Variants in ADCK5 observed in about 807,000 individuals in gnomAD.
ADCK5 encodes the protein uncharacterized aarF domain-containing protein kinase 5.
A neutral mutation model predicts 64.9 loss-of-function variants in ADCK5; 43 were observed. That is an observed-to-expected ratio of 0.66 (90% confidence interval 0.52 to 0.85). The LOEUF is 0.85. Among genes scored for constraint, ADCK5 ranks in the 40% least tolerant of loss-of-function variants. ADCK5 has a pLI of 0.00. For synonymous variants in ADCK5, 434 were observed against 342.8 expected (o/e 1.27, Z -2.94); for missense variants, 760 against 810.5 (o/e 0.94, Z 0.76).
chr8:144,391,585 G>A lies in ADCK5; in HGVS notation c.804G>A (p.Leu268=). The change falls in exon 8 of 15, where the codon CTG becomes CTA. Residue 268 remains leucine, a synonymous_variant. Coordinates refer to ENST00000308860, the MANE Select transcript of ADCK5 (RefSeq NM_174922.5). The part of the protein sequence containing the change: ...SFGFSWVLQD[L]KGTLAQELDF... ...AACCGCCATCTGGCCCCCAGGACCT[G>A]AAGGGGACCCTGGCCCAGGAGCTGG... 3.2e-6 allele frequency: 5 copies of A among 1,579,626 alleles called. No individual in the cohort carries two copies. The highest frequency in any genetic ancestry group is 3.4e-6 in the Non-Finnish European group (4 of 1,168,298).
chr8:144,373,335 G>A (rs782153596), upstream of ADCK5: 3 of 152,648 alleles, frequency 2.0e-5, no homozygotes, highest in South Asian at 2.0e-4. Context: ...GTCTAGTAGC[G>A]GTGAGGTCGT....
At chr8:144,379,324 C>A in intron 1 of ADCK5, 63 bp from the exon 2 acceptor site, 2 of 1,268,666 alleles carry the variant, frequency 1.6e-6, no homozygotes, top group Non-Finnish European at 1.1e-6. Context: ...AGTGCTGGTA[C>A]TGGTTGAGGG....
chr8:144,391,104 C>G (rs1446727168), intron 5 of ADCK5, 30 bp from the exon 6 acceptor site: 19 of 1,610,348 alleles, frequency 1.2e-5, no homozygotes, highest in African/African-American at 6.7e-5. Flanking sequence ...AGCAGTGGCC[C>G]CAGGCTGCTC....
rs1359214823 is a variant in ADCK5, at chr8:144,376,968, C to T, written c.13-2419C>T. On this transcript the variant is annotated intron_variant, in intron 1 of 14. Coordinates refer to ENST00000308860, the MANE Select transcript of ADCK5 (RefSeq NM_174922.5). This position sits in a 1 kb window ranked among gnomAD's most constrained non-coding sequence, Gnocchi z 5.1. ...GGGATAAGAGGTCATGGACTTTTCC[C>T]TTTGGCTTTCATGTTGTTTGGAGTC... is the stretch of plus-strand genomic sequence containing the variant. Among the ~76,000 whole-genome samples the T allele has an allele frequency of 6.6e-6, 1 of 151,480 alleles. No homozygotes were observed. Among genetic ancestry groups the T allele is most frequent in the Admixed American group, 6.6e-5 (1 of 15,264 alleles).
At position 144,392,818 on chromosome 8, in the gene ADCK5, G is replaced by T. The variant is rs1554861577; in HGVS notation, c.1563G>T (p.Arg521=). 6.3e-7 allele frequency: 1 copy of T among 1,592,642 alleles called. No individual in the cohort carries two copies. The highest frequency in any genetic ancestry group is 8.5e-7 in the Non-Finnish European group (1 of 1,174,246). ...GWSRLAGATY[R]GVYGTSLLRH... is the part of the protein sequence containing the mutation. ...GCCGCCTGGCGGGCGCCACGTATCGGGGTGTCTACGGCACCAGCCTCCTGC... is the reference window on the plus strand; with the variant it reads ...GCCGCCTGGCGGGCGCCACGTATCGTGGTGTCTACGGCACCAGCCTCCTGC... Residue 521 remains arginine, a synonymous_variant, in exon 14 of 15, where the codon CGG becomes CGT. Transcript: ENST00000308860.
At chr8:144,386,237 C>G (rs1304439367) in intron 3 of ADCK5, among the ~76,000 whole-genome samples, 2 of 151,400 alleles carry the variant, frequency 1.3e-5, no homozygotes, top group Non-Finnish European at 2.9e-5. Context: ...GTCTTGAACT[C>G]CTGAGTTCAG....
Position 144,379,468 on chromosome 8 carries a change from A to T in ADCK5, c.94A>T (p.Asn32Tyr), listed in dbSNP as rs782400800. 1 of 1,607,326 alleles carries T rather than the reference A, an allele frequency of 6.2e-7. No homozygotes were observed. Among genetic ancestry groups the T allele is most frequent in the Non-Finnish European group, 8.5e-7 (1 of 1,176,304 alleles). Residue 32 changes from asparagine (N) to tyrosine (Y), a missense_variant, in exon 2 of 15, where the codon AAC becomes TAC. Asn to Tyr is a moderately radical substitution (Grantham distance 143). Around this residue, in one of 2 missense-constraint regions of ADCK5, gnomAD observed 427 missense variants for 518.4 expected, o/e 0.82. Coordinates refer to ENST00000308860, the MANE Select transcript of ADCK5 (RefSeq NM_174922.5). ...GTCCCCTGCTGTGTTCTTCAGGAGA[A>T]ACGTCAGGGGCCTTCCTCCAAGGTA... Reference protein sequence around the residue: ...WPSPAVFFRRNVRGLPPRFSS... With the variant: ...WPSPAVFFRRYVRGLPPRFSS...
At chr8:144,391,335 T>A in intron 6 of ADCK5, 26 bp from the exon 7 acceptor site, 1 of 1,612,608 alleles carries the variant, frequency 6.2e-7, no homozygotes, top group Non-Finnish European at 8.5e-7. Flanking sequence ...GGCCCCAAGT[T>A]CTCACCACAC....
chr8:144,382,466 G>T lies in ADCK5; in HGVS notation c.117-615G>T, dbSNP rs142805226. ...GTATTGGACTCCTGCTGTATTCAGCGAGTATTAGACTCCTGCTGTATTCAG... is the reference window on the plus strand; with the variant it reads ...GTATTGGACTCCTGCTGTATTCAGCTAGTATTAGACTCCTGCTGTATTCAG... On this transcript the variant is annotated intron_variant, in intron 2 of 14. Coordinates refer to ENST00000308860, the MANE Select transcript of ADCK5 (RefSeq NM_174922.5). Among the ~76,000 whole-genome samples the T allele has an allele frequency of 1.1e-4, 17 of 152,298 alleles. 1 individual carries two copies. The South Asian group carries it at 2.9e-3, about 26-fold the overall frequency.
At chr8:144,373,754 A>G (rs1252131377), upstream of ADCK5, 2 of 309,354 alleles carry the variant, frequency 6.5e-6, no homozygotes, top group Non-Finnish European at 1.2e-5. Context: ...GACCTCAGGA[A>G]GCCCTCAGCC....
chr8:144,392,839 C>T lies in ADCK5; in HGVS notation c.1584C>T (p.Leu528=), dbSNP rs1554861593. The change falls in exon 14 of 15, where the codon CTC becomes CTT. Residue 528 remains leucine (L), a synonymous_variant. Transcript: ENST00000308860. ...ATYRGVYGTS[L]LRHAKVVWEM... ...ATCGGGGTGTCTACGGCACCAGCCT[C>T]CTGCGCCACGCCAAGGTCGTCTGGG... The T allele has an allele frequency of 3.8e-6, 6 of 1,593,554 alleles. No homozygotes were observed. The highest frequency in any genetic ancestry group is 1.3e-5 in the African/African-American group (1 of 74,922).
chr8:144,386,848 G>A (rs531972446), intron 3 of ADCK5, among the ~76,000 whole-genome samples: 2 of 152,362 alleles, frequency 1.3e-5, no homozygotes, highest in Non-Finnish European at 2.9e-5. Flanking sequence ...ATGGAAAACA[G>A]AGGCACTCCT....
In ADCK5 at chr8:144,393,146, G is replaced by C; in HGVS notation, c.*72G>C. ...CGGAGGTGGCGGGGCTAGAGGTGTA[G>C]ACACCCCGAGCCCCGTGGGCACTCG... On this transcript the variant is annotated 3_prime_UTR_variant, in exon 15 of 15. Coordinates refer to ENST00000308860, the MANE Select transcript of ADCK5 (RefSeq NM_174922.5). 7.1e-7 allele frequency: 1 copy of C among 1,418,116 alleles called. No individual in the cohort carries two copies. The highest frequency in any genetic ancestry group is 9.3e-7 in the Non-Finnish European group (1 of 1,070,858). The allele number at this position is 1,418,116 out of a possible 1,614,324, so 87.8% of individuals were successfully genotyped here.
Position 144,374,083 on chromosome 8 carries a change from G to T in ADCK5, c.-13G>T. 1 of 1,247,824 alleles carries T rather than the reference G, an allele frequency of 8.0e-7. No homozygotes were observed. 77.3% of individuals were successfully genotyped at this position (1,247,824 alleles called of 1,614,324 possible). ...CGGCGCCGGGCGGGAGAAGAGCGGAGCAGTGGTCGGAGATGTGGCGACCGG... is the reference window on the plus strand; with the variant it reads ...CGGCGCCGGGCGGGAGAAGAGCGGATCAGTGGTCGGAGATGTGGCGACCGG... On this transcript the variant is annotated 5_prime_UTR_variant, in exon 1 of 15. Coordinates refer to ENST00000308860, the MANE Select transcript of ADCK5 (RefSeq NM_174922.5).
Position 144,393,112 on chromosome 8 carries a change from T to C in ADCK5, c.*38T>C. 3 of 1,495,208 alleles carry C rather than the reference T, an allele frequency of 2.0e-6. No individual in the cohort carries two copies. Among genetic ancestry groups the C allele is most frequent in the Non-Finnish European group, 2.7e-6 (3 of 1,123,296 alleles). 92.6% of individuals were successfully genotyped at this position (1,495,208 alleles called of 1,614,324 possible). On this transcript the variant is annotated 3_prime_UTR_variant, in exon 15 of 15. Transcript: ENST00000308860. ...CAGGGCCGGCGGGGCCCTTTTCACC[T>C]TGGGCTGACGGAGGTGGCGGGGCTA...
upstream of ADCK5, among the ~76,000 whole-genome samples, chr8:144,373,579 G>A (rs1292928491): frequency 1.3e-5 from 2 of 152,214 alleles, no homozygotes; most frequent in Non-Finnish European, 2.9e-5. Flanking sequence ...AGCTGCTCCA[G>A]GACCCCTTTG....
rs781851394 is a variant in ADCK5, at chr8:144,391,269, G to A, written c.679G>A (p.Val227Met). The change falls in exon 6 of 15, where the codon GTG (valine) becomes ATG (methionine). Residue 227 changes from valine to methionine, a missense_variant. Physicochemically the swap from Val to Met is conservative, Grantham distance 21. This residue lies in a region of ADCK5 where 427 missense variants were observed against 518.4 expected (regional missense o/e 0.82). Transcript: ENST00000308860. ...GCTGCACGATGGCACCAGCGTGGCT[G>A]TGAAGGTATATGGGGGCTGCCTTGT... ...AKLHDGTSVA[V>M]KVQYIDLRDR... 1 of 1,612,410 alleles carries A rather than the reference G, an allele frequency of 6.2e-7. No homozygotes were observed. Among genetic ancestry groups the A allele is most frequent in the Admixed American group, 1.7e-5 (1 of 60,028 alleles).
rs950914627 is a variant in ADCK5 at position 144,376,644 on chromosome 8, C to T, written c.12+2537C>T. ...TGTGGAAACAGCTTGCGTTGCTGGT[C>T]ATGGATGAGGTGGGCAGTGGCTGGG... On this transcript the variant is annotated intron_variant, in intron 1 of 14. Coordinates refer to ENST00000308860, the MANE Select transcript of ADCK5 (RefSeq NM_174922.5). This position sits in a 1 kb window ranked among gnomAD's most constrained non-coding sequence, Gnocchi z 5.1. 2.0e-5 allele frequency among the ~76,000 whole-genome samples: 3 copies of T among 152,204 alleles called. No homozygotes were observed. The highest frequency in any genetic ancestry group is 7.2e-5 in the African/African-American group (3 of 41,456).
Position 144,391,313 on chromosome 8 carries a change from G to A in ADCK5, c.684+39G>A, listed in dbSNP as rs139676394. Reference sequence around the variant, plus strand: ...GCCTTGTTCAGCAGTGGGCTGGGGCGGGGCACAGTGGGGCCCCAAGTTCTC... The same window carrying A: ...GCCTTGTTCAGCAGTGGGCTGGGGCAGGGCACAGTGGGGCCCCAAGTTCTC... On this transcript the variant is annotated intron_variant, in intron 6 of 14. Coordinates refer to ENST00000308860, the MANE Select transcript of ADCK5 (RefSeq NM_174922.5). The A allele has an allele frequency of 3.1e-4, 501 of 1,612,016 alleles. 1 individual carries two copies. Among genetic ancestry groups the A allele is most frequent in the Non-Finnish European group, 3.6e-4 (420 of 1,179,738 alleles).
Sources: gnomAD v4.1 joint callset for allele counts (sites outside exome capture counted in the v4.1 genomes callset) on GRCh38, gnomAD v4.1.1 for gene constraint, gnomAD v4.1.1 regional missense constraint, Gnocchi (gnomAD v3.1) non-coding constraint, MANE v1.5 for transcripts, NCBI Gene and HGNC (gene_info 2026-07-23, HGNC 2026-07-21) for gene names.